DOCK3: variants seen among roughly 807,000 people sequenced by gnomAD.
The protein encoded by DOCK3 is dedicator of cytokinesis 3, also known as dedicator of cytokinesis protein 3.
In DOCK3, 60 loss-of-function variants were observed where a neutral mutation model predicts 265.6. The observed-to-expected ratio is 0.23, with a 90% CI of 0.18 to 0.28. The LOEUF is 0.28. Among genes scored for constraint, DOCK3 ranks in the 10% least tolerant of loss-of-function variants. DOCK3 has a pLI of 1.00. For synonymous variants in DOCK3, 881 were observed against 938.0 expected, an observed-to-expected ratio of 0.94 and a Z score of 1.11; for missense variants, 1,981 against 2,594.3, an observed-to-expected ratio of 0.76 and a Z score of 5.14.
chr3:51,365,712 G>C (rs2087100613), intron 49 of DOCK3, among the ~76,000 whole-genome samples: 1 of 152,196 alleles, frequency 6.6e-6, no homozygotes, highest in Non-Finnish European at 1.5e-5. Flanking sequence ...GTTGAATTTT[G>C]TCAAAGGCCT....
intron 5 of DOCK3, among the ~76,000 whole-genome samples, chr3:50,970,948 A>ATATATATATATAT (rs1559878922): frequency 1.9e-5 from 1 of 51,762 alleles, no homozygotes; most frequent in Non-Finnish European, 3.3e-5. Context: ...TATATATATA[A>ATATATATATATAT]TGTGTGTGTG....
chr3:51,311,306 C>A (rs1297913367), intron 28 of DOCK3, among the ~76,000 whole-genome samples: 1 of 152,142 alleles, frequency 6.6e-6, no homozygotes, highest in Non-Finnish European at 1.5e-5. Flanking sequence ...CAGAGGTGGC[C>A]ACTGTTAGAT....
intron 9 of DOCK3, among the ~76,000 whole-genome samples, chr3:51,145,527 G>GC (rs2085258993): frequency 6.6e-6 from 1 of 152,188 alleles, no homozygotes. Flanking sequence ...GCTGCATGCA[G>GC]CCCACGATGG....
chr3:51,228,863 T>A lies in DOCK3; in HGVS notation c.1819+31T>A, dbSNP rs1331930473. On this transcript the variant is annotated intron_variant, in intron 18 of 52. Coordinates refer to ENST00000266037, the MANE Select transcript of DOCK3 (RefSeq NM_004947.5). ...TGATAATGCCTGCAGGGTGGTGCCC[T>A]CCACCCTCCTCCATTGTTCACTCCA... 4 of 1,604,688 alleles carry A rather than the reference T, an allele frequency of 2.5e-6. No individual in the cohort carries two copies. The East Asian group carries it at 8.9e-5, about 36-fold the overall frequency.
chr3:50,704,586 G>A (rs2036263354), intron 1 of DOCK3, among the ~76,000 whole-genome samples: 1 of 149,202 alleles, frequency 6.7e-6, no homozygotes, highest in African/African-American at 2.5e-5. Context: ...TTCAGTCTAT[G>A]TGCGTCTTTA....
chr3:51,282,919 A>G (rs1430265599), intron 27 of DOCK3, among the ~76,000 whole-genome samples: 2 of 152,194 alleles, frequency 1.3e-5, no homozygotes, highest in Non-Finnish European at 2.9e-5. Context: ...CCTTATGAAT[A>G]TAAACACAAA....
Position 51,307,516 on chromosome 3 carries a change from A to G in DOCK3, c.2923-2716A>G, listed in dbSNP as rs148544577. On this transcript the variant is annotated intron_variant, in intron 27 of 52. Coordinates refer to ENST00000266037, the MANE Select transcript of DOCK3 (RefSeq NM_004947.5). ...AATAACTGAACAGATATTTTCTTAA[A>G]TGCCTTAAATCAATAACTCTCCGCA... Among the ~76,000 whole-genome samples, 396 of 152,314 alleles carry G rather than the reference A, an allele frequency of 2.6e-3. 3 individuals carry two copies. The highest frequency in any genetic ancestry group is 9.2e-3 in the African/African-American group (383 of 41,570).
chr3:51,290,848 A>G (rs2109145723), intron 27 of DOCK3, among the ~76,000 whole-genome samples: 1 of 152,312 alleles, frequency 6.6e-6, no homozygotes, highest in African/African-American at 2.4e-5. Flanking sequence ...TAGGAGGCCA[A>G]GGTAGGTGGA....
At chr3:51,259,781 AC>A (rs2079756225) in intron 22 of DOCK3, among the ~76,000 whole-genome samples, 2 of 152,184 alleles carry the variant, frequency 1.3e-5, no homozygotes, top group South Asian at 4.1e-4. Context: ...AGTCTTTCTT[AC>A]ATCCTTGCCT....
rs1288799547 is a variant in DOCK3, at chr3:51,382,651, C to G, written c.*1092C>G. ...GGGTAAAGAGGGTGGGAGGGGGCTT[C>G]TCCTTTTGGAAGCAGATAGCCATGC... On this transcript the variant is annotated 3_prime_UTR_variant, in exon 53 of 53. Transcript: ENST00000266037. The G allele has an allele frequency of 6.6e-6, 1 of 152,544 alleles. No individual in the cohort carries two copies. The highest frequency in any genetic ancestry group is 2.4e-5 in the African/African-American group (1 of 41,440). The allele number at this position is 152,544 out of a possible 1,614,324, so 9.4% of individuals were successfully genotyped here. A position where few individuals can be genotyped will look rare whatever the true frequency, so the allele number is the denominator to read the frequency against.
chr3:50,918,269 A>T (rs1462463194), intron 4 of DOCK3, among the ~76,000 whole-genome samples: 1 of 152,182 alleles, frequency 6.6e-6, no homozygotes, highest in South Asian at 2.1e-4. Context: ...CGTTGGATAT[A>T]TACCCAGTAA....
chr3:50,895,093 T>G (rs899266595), intron 4 of DOCK3, among the ~76,000 whole-genome samples: 1 of 152,044 alleles, frequency 6.6e-6, no homozygotes, highest in Non-Finnish European at 1.5e-5. Flanking sequence ...CTTTATCAAT[T>G]GGGATAAAAG....
At chr3:50,995,558 C>T (rs1187778952) in intron 5 of DOCK3, among the ~76,000 whole-genome samples, 9 of 152,114 alleles carry the variant, frequency 5.9e-5, no homozygotes, top group Non-Finnish European at 1.0e-4. Flanking sequence ...TGCTTACAGA[C>T]TTTGCAGAGG....
chr3:51,338,802 C>T (rs2085039914), intron 36 of DOCK3, 133 bp from the exon 37 acceptor site: 1 of 737,564 alleles, frequency 1.4e-6, no homozygotes, highest in South Asian at 1.6e-5. Context: ...GTGCTTTCTC[C>T]TTCTGGTGCT....
chr3:51,338,839 C>G (rs2085046288), intron 36 of DOCK3, 96 bp from the exon 37 acceptor site: 6 of 1,058,392 alleles, frequency 5.7e-6, no homozygotes, highest in Non-Finnish European at 7.1e-6. Context: ...TGCCCTCCCC[C>G]TCCTGCCCAG....
chr3:51,329,491 G>A (rs1020766500), intron 32 of DOCK3, among the ~76,000 whole-genome samples: 1 of 152,212 alleles, frequency 6.6e-6, no homozygotes, highest in Non-Finnish European at 1.5e-5. Flanking sequence ...AATCCGTGGG[G>A]TAGGAACAAA....
chr3:51,194,917 C>G (rs559439463), intron 12 of DOCK3, among the ~76,000 whole-genome samples: 2 of 151,302 alleles, frequency 1.3e-5, no homozygotes, highest in African/African-American at 2.4e-5. Flanking sequence ...CTCTGCCTCC[C>G]GAGTTCAAGT....
rs149141863 is a variant in DOCK3, at chr3:51,214,690, C to T, written c.1252+443C>T. Among the ~76,000 whole-genome samples, 395 of 152,278 alleles carry T rather than the reference C, an allele frequency of 2.6e-3. 3 individuals are homozygous for T. Among genetic ancestry groups the T allele is most frequent in the African/African-American group, 9.2e-3 (382 of 41,558 alleles). On this transcript the variant is annotated intron_variant, in intron 14 of 52. Transcript: ENST00000266037. ...CCCATATGTGTAGGAATAGCAGATA[C>T]ATTTCCATTTTCATGTATCAGAAAA...
At chr3:51,283,709 A>C (rs1018698665) in intron 27 of DOCK3, among the ~76,000 whole-genome samples, 1 of 152,296 alleles carries the variant, frequency 6.6e-6, no homozygotes, top group South Asian at 2.1e-4. Context: ...CTCTCCTGGA[A>C]GGAGTTTGTC....
Sources: gnomAD v4.1 joint callset for allele counts (sites outside exome capture counted in the v4.1 genomes callset) on GRCh38, gnomAD v4.1.1 for gene constraint, MANE v1.5 for transcripts, NCBI Gene and HGNC (gene_info 2026-07-23, HGNC 2026-07-21) for gene names.